Variants in SH3RF3 observed in about 807,000 individuals in gnomAD.
SH3RF3 encodes the protein SH3 domain containing ring finger 3.
Under a neutral mutation model 66.3 loss-of-function variants are expected in SH3RF3, and 29 were observed. That is an observed-to-expected ratio of 0.44 (90% CI 0.33 to 0.60). The LOEUF is 0.60. Among genes scored for constraint, SH3RF3 ranks in the 20% least tolerant of loss-of-function variants. The probability of loss-of-function intolerance (pLI) is 0.04; values close to 1 mark genes in which losing one functional copy is unlikely to be tolerated. For synonymous variants in SH3RF3, 583 were observed against 532.0 expected (o/e 1.10, Z -1.32); for missense variants, 1,194 against 1,190.9 (o/e 1.00, Z -0.04).
At chr2:109,322,253 G>A (rs1682043557) in intron 1 of SH3RF3, among the ~76,000 whole-genome samples, 1 of 152,188 alleles carries the variant, frequency 6.6e-6, no homozygotes, top group Non-Finnish European at 1.5e-5. Context: ...GGAACTTTGT[G>A]TATTTTGCAT....
rs56112018 is a variant in SH3RF3 at position 109,238,449 on chromosome 2, TTGTGTGTGTGTGTG to T, written c.573+108373_573+108386del. Among the ~76,000 whole-genome samples, 1,286 of 142,706 alleles carry T rather than the reference TTGTGTGTGTGTGTG, an allele frequency of 9.0e-3. 14 individuals are homozygous for T. The highest frequency in any genetic ancestry group is 0.028 in the South Asian group (116 of 4,172). The allele number at this position is 142,706 out of a possible 152,430, so 93.6% of individuals were successfully genotyped here. A position where few individuals can be genotyped will look rare whatever the true frequency, so the allele number is the denominator to read the frequency against. ...TACATTTCTTGTTTGTTATGTATAT[TTGTGTGTGTGTGTG>T]TGTGTGTGTGTGTGTGTGTGTGTGT... On this transcript the variant is annotated intron_variant, in intron 1 of 9. Transcript: ENST00000309415.
intron 1 of SH3RF3, among the ~76,000 whole-genome samples, chr2:109,250,312 C>T (rs1680056003): frequency 6.6e-6 from 1 of 151,946 alleles, no homozygotes; most frequent in Non-Finnish European, 1.5e-5. Flanking sequence ...TGGACAGAGC[C>T]AACGTGGGGG....
chr2:109,477,142 C>T (rs189212401), intron 8 of SH3RF3, among the ~76,000 whole-genome samples: 103 of 152,290 alleles, frequency 6.8e-4, no homozygotes, highest in African/African-American at 2.4e-3. Flanking sequence ...GTGGTTCAAA[C>T]GCCTCTGACA....
intron 1 of SH3RF3, among the ~76,000 whole-genome samples, chr2:109,166,459 G>GAAAAAAAAAA (rs386390872): frequency 1.5e-5 from 2 of 134,320 alleles, no homozygotes; most frequent in South Asian, 2.5e-4. Flanking sequence ...CCTGGTGACA[G>GAAAAAAAAAA]AAAAAAAAAA....
chr2:109,402,707 G>A (rs751436629), intron 4 of SH3RF3, among the ~76,000 whole-genome samples: 7 of 152,224 alleles, frequency 4.6e-5, no homozygotes, highest in Admixed American at 1.3e-4. Flanking sequence ...GGCTGTAGGG[G>A]AAGACAGGAT....
At chr2:109,252,108 G>A (rs1480257561) in intron 1 of SH3RF3, among the ~76,000 whole-genome samples, 1 of 152,032 alleles carries the variant, frequency 6.6e-6, no homozygotes, top group Non-Finnish European at 1.5e-5. Flanking sequence ...GCTGAGTGGG[G>A]TGTCACAGGC....
At position 109,432,546 on chromosome 2, in the gene SH3RF3, G is replaced by A; in HGVS notation, c.1449G>A (p.Leu483=). The change falls in exon 6 of 10, where the codon CTG becomes CTA. Residue 483 remains leucine (L), a synonymous_variant. Coordinates refer to ENST00000309415, the MANE Select transcript of SH3RF3 (RefSeq NM_001099289.3). ...ACAAGCCCCAGAAGAGTGACGAGCT[G>A]GAGCTGCACAAGGGAGAGATGTACC... ...YAYKPQKSDE[L]ELHKGEMYRV... is the part of the protein sequence containing the mutation. 1 of 1,613,690 alleles carries A rather than the reference G, an allele frequency of 6.2e-7. No individual in the cohort carries two copies. The highest frequency in any genetic ancestry group is 8.5e-7 in the Non-Finnish European group (1 of 1,179,810).
At chr2:109,198,242 G>A (rs1313961926) in intron 1 of SH3RF3, among the ~76,000 whole-genome samples, 2 of 152,164 alleles carry the variant, frequency 1.3e-5, no homozygotes, top group African/African-American at 4.8e-5. Flanking sequence ...CAGCCAGCCA[G>A]CCTGTGATCT....
chr2:109,303,682 T>G (rs1681525914), intron 1 of SH3RF3, among the ~76,000 whole-genome samples: 1 of 152,204 alleles, frequency 6.6e-6, no homozygotes, highest in Non-Finnish European at 1.5e-5. Flanking sequence ...GGGTTTTGTT[T>G]TGCTTGGTAT....
At chr2:109,138,160 C>T (rs1236401146) in intron 1 of SH3RF3, among the ~76,000 whole-genome samples, 4 of 152,242 alleles carry the variant, frequency 2.6e-5, no homozygotes, top group East Asian at 1.9e-4. Context: ...GGACTATAGG[C>T]GAGCACCACC....
At chr2:109,470,928 C>CCT (rs1488401556) in intron 8 of SH3RF3, among the ~76,000 whole-genome samples, 6 of 152,102 alleles carry the variant, frequency 3.9e-5, no homozygotes, top group African/African-American at 1.4e-4. Flanking sequence ...TAAAGAAATA[C>CCT]CAGAGACTAG....
intron 1 of SH3RF3, among the ~76,000 whole-genome samples, chr2:109,174,702 G>A (rs1369734375): frequency 6.6e-6 from 1 of 152,368 alleles, no homozygotes; most frequent in East Asian, 1.9e-4. Flanking sequence ...TAGGGCACAT[G>A]CACTGAGGTG....
intron 1 of SH3RF3, among the ~76,000 whole-genome samples, chr2:109,246,315 A>G (rs1036782212): frequency 6.6e-6 from 1 of 152,210 alleles, no homozygotes; most frequent in Non-Finnish European, 1.5e-5. Context: ...ACTGGCCTCC[A>G]GGTTCACAGA....
chr2:109,493,539 TCA>T (rs1679184489), intron 9 of SH3RF3, among the ~76,000 whole-genome samples: 1 of 146,390 alleles, frequency 6.8e-6, no homozygotes, highest in African/African-American at 2.6e-5. Context: ...CCCACACCCT[TCA>T]CACACCATAC....
chr2:109,436,995 G>A lies in SH3RF3; in HGVS notation c.1677G>A (p.Leu559=), dbSNP rs765140856. 1.9e-6 allele frequency: 3 copies of A among 1,613,704 alleles called. No individual in the cohort carries two copies. Among genetic ancestry groups the A allele is most frequent in the Non-Finnish European group, 2.5e-6 (3 of 1,179,900 alleles). The stretch of plus-strand genomic sequence containing the variant: ...CCATGCACCCAGGCAGTGGGAGTCT[G>A]AGCAGCCTGGCCACTGCCACCAGGC... The part of the protein sequence containing the change: ...TTTMHPGSGS[L]SSLATATRPA... The change falls in exon 7 of 10, where the codon CTG becomes CTA. Residue 559 remains leucine, a synonymous_variant. Transcript: ENST00000309415.
intron 1 of SH3RF3, among the ~76,000 whole-genome samples, chr2:109,323,262 G>A (rs1682072426): frequency 6.6e-6 from 1 of 152,182 alleles, no homozygotes; most frequent in South Asian, 2.1e-4. Context: ...GAGTCATTGG[G>A]TGTATAGCAG....
intron 1 of SH3RF3, among the ~76,000 whole-genome samples, chr2:109,245,814 T>A (rs573017569): frequency 9.2e-5 from 14 of 152,344 alleles, no homozygotes; most frequent in African/African-American, 3.4e-4. Context: ...GACCCTCAGA[T>A]CTTTATGGAG....
chr2:109,500,851 G>T (rs557157193), intron 9 of SH3RF3, among the ~76,000 whole-genome samples: 3 of 152,296 alleles, frequency 2.0e-5, no homozygotes, highest in African/African-American at 7.2e-5. Context: ...TCGGGAGGCT[G>T]AGGTGGGAGG....
intron 8 of SH3RF3, among the ~76,000 whole-genome samples, chr2:109,482,835 G>T (rs893061568): frequency 1.3e-5 from 2 of 152,216 alleles, no homozygotes; most frequent in Non-Finnish European, 2.9e-5. Context: ...AAACAAGCTA[G>T]AGAAGCACAA....
Sources: gnomAD v4.1 joint callset for allele counts (sites outside exome capture counted in the v4.1 genomes callset) on GRCh38, gnomAD v4.1.1 for gene constraint, MANE v1.5 for transcripts, NCBI Gene and HGNC (gene_info 2026-07-23, HGNC 2026-07-21) for gene names.